Variants in NFASC observed in about 807,000 individuals in gnomAD.
NFASC encodes the protein neurofascin.
A neutral mutation model predicts 147.5 loss-of-function variants in NFASC; 43 were observed. That is an observed-to-expected ratio of 0.29 (90% CI 0.23 to 0.38). The LOEUF (loss-of-function observed/expected upper bound fraction) is 0.38. NFASC is among the 10% of genes least tolerant of loss of function. The probability of loss-of-function intolerance (pLI) is 1.00; values close to 1 mark genes in which losing one functional copy is unlikely to be tolerated. For missense variants in NFASC, 1,320 were observed against 1,689.0 expected, an observed-to-expected ratio of 0.78 and a Z score of 3.83; for synonymous variants, 622 against 665.5, an observed-to-expected ratio of 0.93 and a Z score of 1.01.
intron 1 of NFASC, among the ~76,000 whole-genome samples, chr1:204,832,523 T>C (rs1303493934): frequency 6.6e-6 from 1 of 152,164 alleles, no homozygotes; most frequent in Non-Finnish European, 1.5e-5. Flanking sequence ...GGAGAGGTCC[T>C]TAGAAGCTAT....
intron 1 of NFASC, among the ~76,000 whole-genome samples, chr1:204,832,177 T>G (rs1003866121): frequency 1.1e-4 from 16 of 152,200 alleles, no homozygotes; most frequent in South Asian, 8.3e-4. Flanking sequence ...CCCGGCTAGA[T>G]GTGGCTAGAA....
intron 21 of NFASC, among the ~76,000 whole-genome samples, chr1:204,982,873 A>G (rs928057250): frequency 6.6e-6 from 1 of 152,198 alleles, no homozygotes; most frequent in Non-Finnish European, 1.5e-5. Flanking sequence ...ACTTAGAAGG[A>G]GCAGTCAAGA....
intron 8 of NFASC, among the ~76,000 whole-genome samples, chr1:204,964,295 T>C (rs2094833673): frequency 6.6e-6 from 1 of 152,266 alleles, no homozygotes; most frequent in Non-Finnish European, 1.5e-5. Context: ...TCTCGATACT[T>C]AACAAGTGTT....
At chr1:204,977,000 T>A in intron 16 of NFASC, 1 of 1,321,018 alleles carries the variant, frequency 7.6e-7, no homozygotes, top group Non-Finnish European at 9.6e-7. Context: ...ACCTCCTGAG[T>A]GGAGTCATTA....
intron 2 of NFASC, among the ~76,000 whole-genome samples, chr1:204,942,220 G>A (rs2093404574): frequency 6.6e-6 from 1 of 152,196 alleles, no homozygotes; most frequent in Non-Finnish European, 1.5e-5. Context: ...AGGGTGTGCA[G>A]GAGCACAGAT....
At chr1:204,851,928 G>A (rs2075730884) in intron 1 of NFASC, among the ~76,000 whole-genome samples, 1 of 152,168 alleles carries the variant, frequency 6.6e-6, no homozygotes, top group Non-Finnish European at 1.5e-5. Context: ...TGATGCTCTG[G>A]AATTCTAAGA....
At chr1:204,839,230 T>C (rs914903357) in intron 1 of NFASC, among the ~76,000 whole-genome samples, 1 of 152,238 alleles carries the variant, frequency 6.6e-6, no homozygotes, top group Admixed American at 6.5e-5. Flanking sequence ...AGAAAATGTG[T>C]GCACATGAAT....
At chr1:204,872,101 A>C (rs536533421) in intron 1 of NFASC, among the ~76,000 whole-genome samples, 11 of 152,354 alleles carry the variant, frequency 7.2e-5, no homozygotes, top group African/African-American at 2.4e-4. Flanking sequence ...GGGCCAGAAC[A>C]AACTGATGAT....
At chr1:204,874,391 C>T (rs760098831) in intron 1 of NFASC, among the ~76,000 whole-genome samples, 3 of 152,238 alleles carry the variant, frequency 2.0e-5, no homozygotes, top group African/African-American at 4.8e-5. Flanking sequence ...AGGTGAGCAT[C>T]GTCTTCTGGT....
chr1:204,982,542 C>T (rs1164922150), intron 21 of NFASC, among the ~76,000 whole-genome samples: 1 of 152,232 alleles, frequency 6.6e-6, no homozygotes, highest in African/African-American at 2.4e-5. Flanking sequence ...CAGACCAGCC[C>T]CTCCTGGTGC....
chr1:204,881,902 C>A (rs1263938474), intron 1 of NFASC, among the ~76,000 whole-genome samples: 4 of 152,110 alleles, frequency 2.6e-5, no homozygotes, highest in Non-Finnish European at 5.9e-5. Flanking sequence ...GTTCCTCATC[C>A]TCCACCACTC....
Position 204,970,695 on chromosome 1 carries a change from T to A in NFASC, c.1083T>A (p.Asn361Lys), listed in dbSNP as rs756343246. Residue 361 changes from asparagine (N) to lysine (K), a missense_variant, in exon 11 of 30, where the codon AAT becomes AAA. By Grantham distance (94) the Asn-to-Lys change is moderately conservative (BLOSUM62 0). Around this residue, in one of 3 missense-constraint regions of NFASC, gnomAD observed 981 missense variants for 1,289.5 expected, o/e 0.76. Coordinates refer to ENST00000339876, the MANE Select transcript of NFASC (RefSeq NM_001005388.3). ...ATGGGAGACTGGTGTGTCGAGCCAA[T>A]GGAAACCCCAAACCCACTGTCCAGT... ...GEDGRLVCRA[N>K]GNPKPTVQWM... 8.1e-6 allele frequency: 13 copies of A among 1,614,066 alleles called. No individual in the cohort carries two copies.
Position 204,968,529 on chromosome 1 carries a change from C to T in NFASC, c.818+169C>T, listed in dbSNP as rs180788415. ...GTTGCAAACCATAGTCATCTCCATC[C>T]TATCCTGGCCATCTCTGTTTTGGAT... On this transcript the variant is annotated intron_variant, in intron 9 of 29. Coordinates refer to ENST00000339876, the MANE Select transcript of NFASC (RefSeq NM_001005388.3). The surrounding 1 kb of genome is among the most constrained non-coding windows in gnomAD (Gnocchi z 5.4). 5.8e-5 allele frequency: 36 copies of T among 621,978 alleles called. No individual in the cohort carries two copies. The highest frequency in any genetic ancestry group is 5.5e-4 in the African/African-American group (30 of 54,418). The allele number at this position is 621,978 out of a possible 1,614,324, so 38.5% of individuals were successfully genotyped here. A position where few individuals can be genotyped will look rare whatever the true frequency, so the allele number is the denominator to read the frequency against.
intron 1 of NFASC, among the ~76,000 whole-genome samples, chr1:204,873,053 C>A (rs2078025061): frequency 6.6e-6 from 1 of 152,080 alleles, no homozygotes; most frequent in Non-Finnish European, 1.5e-5. Flanking sequence ...CAGTAGAAGA[C>A]AATAAAGTGG....
chr1:204,891,039 A>G (rs981991432), intron 1 of NFASC, among the ~76,000 whole-genome samples: 1 of 152,214 alleles, frequency 6.6e-6, no homozygotes. Flanking sequence ...TTGGGTCTCC[A>G]TTGAAGCAGC....
At position 205,015,361 on chromosome 1, in the gene NFASC, A is replaced by G. The variant is rs374208394; in HGVS notation, c.3492-947A>G. The stretch of plus-strand genomic sequence containing the variant: ...CTGCCTCCTGCCCAGGAACTGGGCT[A>G]ACCTCTGAAGTGCAGCCAGCACCAC... On this transcript the variant is annotated intron_variant, in intron 29 of 29. Coordinates refer to ENST00000339876, the MANE Select transcript of NFASC (RefSeq NM_001005388.3). This position sits in a 1 kb window ranked among gnomAD's most constrained non-coding sequence, Gnocchi z 4.0. 2.0e-4 allele frequency among the ~76,000 whole-genome samples: 31 copies of G among 152,308 alleles called. No individual in the cohort carries two copies. The highest frequency in any genetic ancestry group is 7.5e-4 in the African/African-American group (31 of 41,572).
Position 204,858,859 on chromosome 1 carries a change from T to G in NFASC, c.-200+30077T>G, listed in dbSNP as rs545256854. ...GGAAAGACCCCAGTGAGGGGCCATC[T>G]CACTGATTCCCCACCGCCAGGCATC... On this transcript the variant is annotated intron_variant, in intron 1 of 29. Transcript: ENST00000339876. 2.6e-5 allele frequency among the ~76,000 whole-genome samples: 4 copies of G among 152,164 alleles called. No homozygotes were observed. In the South Asian group the frequency reaches 8.3e-4, roughly 32 times the overall value.
intron 2 of NFASC, among the ~76,000 whole-genome samples, chr1:204,934,814 G>A (rs1465523224): frequency 6.6e-6 from 1 of 152,204 alleles, no homozygotes; most frequent in African/African-American, 2.4e-5. Context: ...GCCCAGCCCT[G>A]GAATTGGTGT....
chr1:205,009,397 C>G (rs1387777713), intron 27 of NFASC, 160 bp from the exon 28 acceptor site: 2 of 805,022 alleles, frequency 2.5e-6, no homozygotes, highest in Non-Finnish European at 4.4e-6. Flanking sequence ...TTCTTTTTGT[C>G]CTTTAGCAGG....
Sources: gnomAD v4.1 joint callset for allele counts (sites outside exome capture counted in the v4.1 genomes callset) on GRCh38, gnomAD v4.1.1 for gene constraint, gnomAD v4.1.1 regional missense constraint, Gnocchi (gnomAD v3.1) non-coding constraint, MANE v1.5 for transcripts, NCBI Gene and HGNC (gene_info 2026-07-23, HGNC 2026-07-21) for gene names.